Variants in RALYL observed in about 807,000 individuals in gnomAD.
RALYL encodes the protein RNA-binding Raly-like protein.
Under a neutral mutation model 35.1 loss-of-function variants are expected in RALYL, and 29 were observed. The observed-to-expected ratio is 0.83, with a 90% CI of 0.61 to 1.13. RALYL has a LOEUF of 1.13. RALYL is among the 50% of genes most tolerant of loss of function. The pLI is 0.00. For synonymous variants in RALYL, 120 were observed against 127.6 expected (o/e 0.94, Z 0.40); for missense variants, 359 against 360.4 (o/e 1.00, Z 0.03).
At chr8:84,478,203 G>T (rs2053637286) in intron 1 of RALYL, among the ~76,000 whole-genome samples, 1 of 151,954 alleles carries the variant, frequency 6.6e-6, no homozygotes, top group African/African-American at 2.4e-5. Context: ...ATGCTTATTT[G>T]TAATGTTTAT....
intron 2 of RALYL, among the ~76,000 whole-genome samples, chr8:84,693,926 T>TA (rs370567706): frequency 1.3e-5 from 2 of 151,490 alleles, no homozygotes; most frequent in African/African-American, 2.4e-5. Flanking sequence ...CTTTCATGAT[T>TA]AAAAAAAAGC....
chr8:84,708,858 G>A (rs1231726636), intron 2 of RALYL, among the ~76,000 whole-genome samples: 8 of 152,208 alleles, frequency 5.3e-5, no homozygotes, highest in Non-Finnish European at 7.4e-5. Flanking sequence ...AAACACTGAC[G>A]TAGAGGAAAA....
At chr8:84,477,422 G>A (rs993012470) in intron 1 of RALYL, among the ~76,000 whole-genome samples, 3 of 148,878 alleles carry the variant, frequency 2.0e-5, no homozygotes, top group Non-Finnish European at 4.5e-5. Flanking sequence ...TTTATATAAT[G>A]CTCATTATTT....
intron 1 of RALYL, among the ~76,000 whole-genome samples, chr8:84,453,592 A>G (rs1259799466): frequency 6.6e-6 from 1 of 151,930 alleles, no homozygotes; most frequent in Non-Finnish European, 1.5e-5. Flanking sequence ...AATCACAGAA[A>G]TATATTCAAA....
At chr8:84,276,665 A>G (rs887690843) in intron 1 of RALYL, among the ~76,000 whole-genome samples, 1 of 152,276 alleles carries the variant, frequency 6.6e-6, no homozygotes, top group Non-Finnish European at 1.5e-5. Context: ...TAACAGTGAG[A>G]TGAAAAGGAA....
intron 3 of RALYL, among the ~76,000 whole-genome samples, chr8:84,783,483 G>A (rs1818675136): frequency 6.6e-6 from 1 of 152,184 alleles, no homozygotes; most frequent in South Asian, 2.1e-4. Context: ...AGGATTGACA[G>A]CACCATTTGT....
intron 2 of RALYL, among the ~76,000 whole-genome samples, chr8:84,694,099 G>T (rs1033016931): frequency 6.6e-6 from 1 of 151,876 alleles, no homozygotes; most frequent in African/African-American, 2.4e-5. Flanking sequence ...AGCACTGGAA[G>T]TCCTAGCCAA....
rs769776317 is a variant in RALYL at position 84,862,246 on chromosome 8, GAACTCTCGGGCATCAAACC to G, written c.414-42_414-24del. 2.9e-6 allele frequency: 4 copies of G among 1,378,242 alleles called. No homozygotes were observed. In the African/African-American group the frequency reaches 6.0e-5, roughly 21 times the overall value. 85.4% of individuals were successfully genotyped at this position (1,378,242 alleles called of 1,614,324 possible). A position where few individuals can be genotyped will look rare whatever the true frequency, so the allele number is the denominator to read the frequency against. On this transcript the variant is annotated intron_variant, in intron 5 of 8. Transcript: ENST00000521268. Reference sequence around the variant, plus strand: ...TGTTCAACATTTCACATATTTGATAGAACTCTCGGGCATCAAACCAACTCTCAGTCCCATTTGTGTTTTG... The same window carrying G: ...TGTTCAACATTTCACATATTTGATAGAACTCTCAGTCCCATTTGTGTTTTG...
intron 2 of RALYL, among the ~76,000 whole-genome samples, chr8:84,755,383 G>A (rs918989472): frequency 6.6e-6 from 1 of 152,076 alleles, no homozygotes; most frequent in Non-Finnish European, 1.5e-5. Context: ...CCTTCTCAAG[G>A]CATCAAATAA....
intron 4 of RALYL, among the ~76,000 whole-genome samples, chr8:84,826,869 A>C: frequency 6.6e-6 from 1 of 152,086 alleles, no homozygotes; most frequent in East Asian, 1.9e-4. Context: ...ATCACCAGAC[A>C]TTTGAGGAAA....
At chr8:84,321,608 G>A (rs951723862) in intron 1 of RALYL, among the ~76,000 whole-genome samples, 4 of 152,038 alleles carry the variant, frequency 2.6e-5, no homozygotes, top group African/African-American at 9.7e-5. Flanking sequence ...TTTCCCCCAC[G>A]ACAGCCCACT....
chr8:84,714,843 G>A (rs746657357), intron 2 of RALYL, among the ~76,000 whole-genome samples: 33 of 151,862 alleles, frequency 2.2e-4, no homozygotes, highest in African/African-American at 7.7e-4. Context: ...GCACAAGTTG[G>A]CATTAAAAGC....
chr8:84,905,214 TCTC>T (rs1308859534), intron 8 of RALYL, among the ~76,000 whole-genome samples: 2 of 152,146 alleles, frequency 1.3e-5, no homozygotes, highest in Admixed American at 6.5e-5. Flanking sequence ...CTCAGCATAA[TCTC>T]CTCAAGGTTC....
intron 2 of RALYL, among the ~76,000 whole-genome samples, chr8:84,555,019 G>T (rs62528223): frequency 1.3e-5 from 2 of 151,998 alleles, no homozygotes; most frequent in Non-Finnish European, 2.9e-5. Context: ...AGTGGCTCAC[G>T]CCTGTAATCC....
chr8:84,203,767 G>T (rs1279561669), intron 1 of RALYL, among the ~76,000 whole-genome samples: 3 of 152,070 alleles, frequency 2.0e-5, no homozygotes, highest in Non-Finnish European at 4.4e-5. Flanking sequence ...GCTTCTTAAA[G>T]ATAGGTATTG....
chr8:84,510,864 A>G lies in RALYL; in HGVS notation c.-23-18435A>G, dbSNP rs1049732165. Among the ~76,000 whole-genome samples the G allele has an allele frequency of 3.3e-5, 5 of 152,122 alleles. No individual in the cohort carries two copies. In the East Asian group the frequency reaches 7.7e-4, roughly 24 times the overall value. ...ATGGGGAAGCTTGTGATGTTTTGAT[A>G]TATGTATACAATGTGGAATGATTAA... On this transcript the variant is annotated intron_variant, in intron 1 of 8. Coordinates refer to ENST00000521268, the MANE Select transcript of RALYL (RefSeq NM_173848.7).
intron 4 of RALYL, among the ~76,000 whole-genome samples, chr8:84,819,646 G>A (rs1828074093): frequency 6.6e-6 from 1 of 152,170 alleles, no homozygotes; most frequent in Admixed American, 6.5e-5. Context: ...AAGAAACAGA[G>A]GGGCTGATTG....
At chr8:84,304,835 G>A (rs1424867305) in intron 1 of RALYL, among the ~76,000 whole-genome samples, 3 of 152,152 alleles carry the variant, frequency 2.0e-5, no homozygotes, top group Non-Finnish European at 4.4e-5. Context: ...TGAGCTTTGA[G>A]ATATGTACAT....
chr8:84,649,514 C>T (rs900047148), intron 2 of RALYL, among the ~76,000 whole-genome samples: 19 of 152,030 alleles, frequency 1.2e-4, no homozygotes, highest in African/African-American at 4.6e-4. Context: ...GCCAGTTTTC[C>T]CAGCACCATT....
Sources: gnomAD v4.1 joint callset for allele counts (sites outside exome capture counted in the v4.1 genomes callset) on GRCh38, gnomAD v4.1.1 for gene constraint, MANE v1.5 for transcripts, NCBI Gene and HGNC (gene_info 2026-07-23, HGNC 2026-07-21) for gene names.